Variants in KIF14 observed in about 807,000 individuals in gnomAD.
The protein encoded by KIF14 is kinesin-like protein KIF14.
A neutral mutation model predicts 176.2 loss-of-function variants in KIF14; 98 were observed. That is an observed-to-expected ratio of 0.56 (90% confidence interval 0.47 to 0.66). KIF14 has a LOEUF of 0.66. KIF14 is among the 30% of genes least tolerant of loss of function. KIF14 has a pLI of 0.00. For synonymous variants in KIF14, 566 were observed against 632.2 expected, an observed-to-expected ratio of 0.90 and a Z score of 1.57; for missense variants, 1,751 against 1,920.4, an observed-to-expected ratio of 0.91 and a Z score of 1.65.
At chr1:200,616,257 T>TA (rs1228799718) in intron 2 of KIF14, among the ~76,000 whole-genome samples, 6 of 152,192 alleles carry the variant, frequency 3.9e-5, no homozygotes, top group African/African-American at 1.4e-4. Flanking sequence ...GAGACTGCTT[T>TA]AAATCAGAAT....
chr1:200,606,513 C>T (rs565875053), intron 6 of KIF14, among the ~76,000 whole-genome samples: 1 of 152,138 alleles, frequency 6.6e-6, no homozygotes, highest in African/African-American at 2.4e-5. Context: ...ATGGCAGACA[C>T]TTTACAGGTA....
At chr1:200,594,240 T>C (rs1364730469) in intron 14 of KIF14, among the ~76,000 whole-genome samples, 2 of 151,786 alleles carry the variant, frequency 1.3e-5, no homozygotes. Context: ...GAGCCTCCAA[T>C]TAGATTTTGA....
chr1:200,560,045 G>A (rs896359055), intron 26 of KIF14, among the ~76,000 whole-genome samples: 3 of 151,460 alleles, frequency 2.0e-5, no homozygotes, highest in South Asian at 2.1e-4. Flanking sequence ...GTGAGCCACC[G>A]CCCCCAGCCA....
chr1:200,592,024 A>G, intron 16 of KIF14, 56 bp downstream of exon 16: 1 of 1,412,452 alleles, frequency 7.1e-7, no homozygotes. Flanking sequence ...AATGTGATTA[A>G]CTCTGTTGTA....
At chr1:200,583,852 G>A (rs1658591542) in intron 19 of KIF14, among the ~76,000 whole-genome samples, 1 of 151,822 alleles carries the variant, frequency 6.6e-6, no homozygotes, top group Admixed American at 6.6e-5. Context: ...TGAAGCAGGA[G>A]AATCGCTTGA....
intron 25 of KIF14, among the ~76,000 whole-genome samples, chr1:200,562,389 G>A (rs1053169905): frequency 6.6e-6 from 1 of 152,226 alleles, no homozygotes; most frequent in African/African-American, 2.4e-5. Context: ...TAATTCATCT[G>A]ATCCTCACAG....
chr1:200,612,128 G>A (rs1176114636), intron 4 of KIF14, among the ~76,000 whole-genome samples: 2 of 151,700 alleles, frequency 1.3e-5, no homozygotes, highest in East Asian at 1.9e-4. Flanking sequence ...TCAGCCTCCC[G>A]AATAGCTAGG....
intron 18 of KIF14, among the ~76,000 whole-genome samples, 171 bp from the exon 19 acceptor site, chr1:200,586,398 T>A (rs1658738396): frequency 6.6e-6 from 1 of 151,862 alleles, no homozygotes; most frequent in Non-Finnish European, 1.5e-5. Context: ...AAACCTATTT[T>A]AAAAAAACAG....
chr1:200,605,770 T>C (rs1010159284), intron 7 of KIF14, 94 bp downstream of exon 7: 5 of 773,560 alleles, frequency 6.5e-6, no homozygotes, highest in Non-Finnish European at 1.0e-5. Flanking sequence ...ACTAACCTTT[T>C]ATTTGTAAAA....
chr1:200,609,436 G>A (rs1239137506), intron 4 of KIF14, among the ~76,000 whole-genome samples: 1 of 152,172 alleles, frequency 6.6e-6, no homozygotes, highest in Non-Finnish European at 1.5e-5. Context: ...ATCATTTGAG[G>A]TCAGGAGTTC....
At chr1:200,553,830 C>T (rs1340088810) in intron 29 of KIF14, 63 bp from the exon 30 acceptor site, 2 of 1,431,146 alleles carry the variant, frequency 1.4e-6, no homozygotes, top group African/African-American at 2.9e-5. Context: ...GTATTTATGA[C>T]TTTTATAGAC....
chr1:200,610,012 C>T (rs2102760447), intron 4 of KIF14, among the ~76,000 whole-genome samples: 1 of 152,202 alleles, frequency 6.6e-6, no homozygotes, highest in Non-Finnish European at 1.5e-5. Context: ...AGAACAAAAG[C>T]AAACTAGTAG....
intron 4 of KIF14, among the ~76,000 whole-genome samples, 189 bp downstream of exon 4, chr1:200,614,129 A>G (rs770880988): frequency 2.6e-5 from 4 of 152,210 alleles, no homozygotes; most frequent in Non-Finnish European, 4.4e-5. Context: ...ATCACTGCCC[A>G]CTAGGTGAAA....
intron 22 of KIF14, 34 bp downstream of exon 22, chr1:200,575,557 A>T: frequency 7.8e-7 from 1 of 1,279,730 alleles, no homozygotes; most frequent in East Asian, 2.3e-5. Flanking sequence ...GCACACACAA[A>T]GTGCAAGAAA....
At chr1:200,556,436 T>C (rs948392851) in intron 27 of KIF14, among the ~76,000 whole-genome samples, 5 of 152,228 alleles carry the variant, frequency 3.3e-5, no homozygotes, top group African/African-American at 9.6e-5. Context: ...TATTCTTCTA[T>C]AGGTTCTTAA....
intron 21 of KIF14, among the ~76,000 whole-genome samples, chr1:200,577,695 G>A (rs1164891651): frequency 2.7e-5 from 4 of 149,498 alleles, no homozygotes; most frequent in Non-Finnish European, 3.0e-5. Flanking sequence ...GTGAGACTCC[G>A]TCTCAAAAAA....
In KIF14 at chr1:200,553,620, T is replaced by C. The variant is rs375065489; in HGVS notation, c.4715A>G (p.Glu1572Gly). The C allele has an allele frequency of 4.0e-5, 64 of 1,614,006 alleles. 1 individual carries two copies. The highest frequency in any genetic ancestry group is 3.9e-5 in the Non-Finnish European group (46 of 1,180,020). ...RVTHIVHQEL[E>G]SLAKSLLFCF... ...AAAGAGGAGAGACTTAGCTAGAGAT[T>C]CTAGTTCCTGGTGGACAATGTGAGT... The change falls in exon 30 of 30, where the codon GAA becomes GGA. Residue 1572 changes from glutamate (E) to glycine (G), a missense_variant. By Grantham distance (98) the Glu-to-Gly change is moderately conservative. Transcript: ENST00000367350.
In KIF14 at chr1:200,605,836, A is replaced by G. The variant is rs557069489; in HGVS notation, c.1638+28T>C. 707 of 1,361,800 alleles carry G rather than the reference A, an allele frequency of 5.2e-4. 11 individuals are homozygous for G. In the South Asian group the frequency reaches 9.3e-3, roughly 18 times the overall value. 84.4% of individuals were successfully genotyped at this position (1,361,800 alleles called of 1,614,324 possible). ...ATTTAGGATTATGCTCTTTCTATCTAGTGAAAAGAAAACAAAATCAATCTT... is the reference window on the plus strand; with the variant it reads ...ATTTAGGATTATGCTCTTTCTATCTGGTGAAAAGAAAACAAAATCAATCTT... On this transcript the variant is annotated intron_variant, in intron 7 of 29. Coordinates refer to ENST00000367350, the MANE Select transcript of KIF14 (RefSeq NM_014875.3).
In KIF14 at chr1:200,593,765, T is replaced by G; in HGVS notation, c.2554A>C (p.Ile852Leu). 6.3e-7 allele frequency: 1 copy of G among 1,583,820 alleles called. No homozygotes were observed. The highest frequency in any genetic ancestry group is 8.7e-7 in the Non-Finnish European group (1 of 1,153,304). ...CTCACTGTCCCACCAAAATTTTTGA[T>G]AGTACTGTTAAAATAAGAAGCACAT... is the stretch of plus-strand genomic sequence containing the variant. The part of the protein sequence containing the change: ...GVLIADDHCT[I>L]KNFGGTVSII... Residue 852 changes from isoleucine (I) to leucine (L), a missense_variant, in exon 15 of 30, where the codon ATC becomes CTC. Ile to Leu is a conservative substitution (Grantham distance 5, BLOSUM62 2). Coordinates refer to ENST00000367350, the MANE Select transcript of KIF14 (RefSeq NM_014875.3).
Sources: gnomAD v4.1 joint callset for allele counts (sites outside exome capture counted in the v4.1 genomes callset) on GRCh38, gnomAD v4.1.1 for gene constraint, MANE v1.5 for transcripts, NCBI Gene and HGNC (gene_info 2026-07-23, HGNC 2026-07-21) for gene names.